The following SMOC2 variants were observed in gnomAD, a reference collection of about 807,000 sequenced individuals.
SMOC2 encodes the protein SPARC-related modular calcium-binding protein 2.
Under a neutral mutation model 61.4 loss-of-function variants are expected in SMOC2, and 39 were observed. The observed-to-expected ratio is 0.64, with a 90% CI of 0.49 to 0.83. The LOEUF (loss-of-function observed/expected upper bound fraction) is 0.83, where lower values mean the gene tolerates loss of function less well. Among genes scored for constraint, SMOC2 ranks in the 40% least tolerant of loss-of-function variants. SMOC2 has a pLI of 0.00. For synonymous variants in SMOC2, 247 were observed against 239.9 expected (o/e 1.03, Z -0.27); for missense variants, 556 against 592.9 (o/e 0.94, Z 0.65).
At chr6:168,522,290 TC>T (rs756133030) in intron 2 of SMOC2, among the ~76,000 whole-genome samples, 1 of 152,188 alleles carries the variant, frequency 6.6e-6, no homozygotes, top group Non-Finnish European at 1.5e-5. Context: ...AGGCACTCCC[TC>T]CGTAAGTTAC....
chr6:168,441,506 C>A (rs1202638877), intron 1 of SMOC2, 52 bp downstream of exon 1: 5 of 1,446,996 alleles, frequency 3.5e-6, no homozygotes, highest in Non-Finnish European at 4.5e-6. Flanking sequence ...CCTCTTGCAG[C>A]CGGCCGGGTT....
At chr6:168,660,702 G>A (rs1787486480) in intron 11 of SMOC2, among the ~76,000 whole-genome samples, 1 of 152,226 alleles carries the variant, frequency 6.6e-6, no homozygotes, top group Admixed American at 6.5e-5. Flanking sequence ...CACTCGCACA[G>A]CCACAAGGGA....
chr6:168,663,207 C>G (rs4708485), intron 11 of SMOC2, among the ~76,000 whole-genome samples: 23,475 of 152,118 alleles, frequency 0.15, 1,917 homozygotes, highest in Non-Finnish European at 0.17. Context: ...TCAGAGGTTT[C>G]CATGGAGATG....
chr6:168,480,265 C>G (rs2115022426), intron 1 of SMOC2, among the ~76,000 whole-genome samples: 2 of 152,152 alleles, frequency 1.3e-5, no homozygotes, highest in South Asian at 4.1e-4. Context: ...GAAAATGAAT[C>G]AACAGAAAAC....
intron 3 of SMOC2, among the ~76,000 whole-genome samples, chr6:168,527,016 A>C (rs1246125084): frequency 6.6e-6 from 1 of 152,234 alleles, no homozygotes; most frequent in Admixed American, 6.5e-5. Context: ...AAGTACTAAC[A>C]TACAATGCTA....
At chr6:168,547,731 G>T (rs913258054) in intron 6 of SMOC2, among the ~76,000 whole-genome samples, 1 of 151,882 alleles carries the variant, frequency 6.6e-6, no homozygotes, top group Admixed American at 6.6e-5. Context: ...GTTAGACAGG[G>T]ATAAAAGAGC....
At position 168,460,851 on chromosome 6, in the gene SMOC2, G is replaced by T. The variant is rs377662275; in HGVS notation, c.84+19397G>T. On this transcript the variant is annotated intron_variant, in intron 1 of 12. Transcript: ENST00000356284. ...AGATGCAAAATAATGTCAACATATTGTAGATATTCTTTGATTAAAATGCTT... is the reference window on the plus strand; with the variant it reads ...AGATGCAAAATAATGTCAACATATTTTAGATATTCTTTGATTAAAATGCTT... Among the ~76,000 whole-genome samples the T allele has an allele frequency of 5.3e-5, 8 of 152,312 alleles. No individual in the cohort carries two copies. The East Asian group carries it at 5.8e-4, about 11-fold the overall frequency.
At chr6:168,598,074 T>TGCTCA (rs1396029683) in intron 7 of SMOC2, among the ~76,000 whole-genome samples, 1 of 152,266 alleles carries the variant, frequency 6.6e-6, no homozygotes, top group Non-Finnish European at 1.5e-5. Flanking sequence ...CAATGCCTGG[T>TGCTCA]GCACAGGCTG....
At chr6:168,506,699 G>A (rs1408042535) in intron 1 of SMOC2, among the ~76,000 whole-genome samples, 1 of 152,120 alleles carries the variant, frequency 6.6e-6, no homozygotes, top group Non-Finnish European at 1.5e-5. Flanking sequence ...TGTGCAAATA[G>A]CACTGCTTCG....
chr6:168,518,078 A>G (rs555447458), intron 2 of SMOC2, among the ~76,000 whole-genome samples: 1 of 152,360 alleles, frequency 6.6e-6, no homozygotes, highest in African/African-American at 2.4e-5. Context: ...GAAACAGGCC[A>G]GAGAGCTCCA....
chr6:168,548,328 T>TA (rs1423953816), intron 6 of SMOC2, among the ~76,000 whole-genome samples: 11 of 150,124 alleles, frequency 7.3e-5, no homozygotes. Context: ...TCTCAAGCAC[T>TA]AACGGTGACC....
At chr6:168,622,426 G>C (rs1010137521) in intron 9 of SMOC2, among the ~76,000 whole-genome samples, 5 of 151,404 alleles carry the variant, frequency 3.3e-5, no homozygotes, top group Non-Finnish European at 5.9e-5. Context: ...AAAAAAAAAA[G>C]ACAAGGATAG....
intron 1 of SMOC2, among the ~76,000 whole-genome samples, chr6:168,501,830 G>C (rs866368218): frequency 2.6e-5 from 4 of 152,212 alleles, no homozygotes; most frequent in Middle Eastern, 3.2e-3. Context: ...CCCCACAGAA[G>C]GTGGGAGCGT....
chr6:168,445,023 C>T (rs563904273), intron 1 of SMOC2, among the ~76,000 whole-genome samples: 3 of 152,152 alleles, frequency 2.0e-5, no homozygotes, highest in South Asian at 2.1e-4. Flanking sequence ...ACTGCCAATA[C>T]CTAACGCTCC....
chr6:168,519,068 A>T (rs1172289893), intron 2 of SMOC2, among the ~76,000 whole-genome samples: 5 of 102,924 alleles, frequency 4.9e-5, no homozygotes, highest in South Asian at 3.2e-4. Context: ...TATGTGTGTG[A>T]GTGTATGTAT....
chr6:168,504,444 A>G (rs1179004471), intron 1 of SMOC2, among the ~76,000 whole-genome samples: 1 of 150,512 alleles, frequency 6.6e-6, no homozygotes, highest in Admixed American at 6.7e-5. Flanking sequence ...TTAGATTCTC[A>G]TAAGGAACCC....
intron 7 of SMOC2, among the ~76,000 whole-genome samples, chr6:168,558,054 A>C (rs1784288684): frequency 6.6e-6 from 1 of 152,140 alleles, no homozygotes; most frequent in African/African-American, 2.4e-5. Flanking sequence ...CACACCTGTG[A>C]ATGCTCCCTC....
At chr6:168,610,691 A>T (rs1785835786) in intron 9 of SMOC2, among the ~76,000 whole-genome samples, 1 of 152,214 alleles carries the variant, frequency 6.6e-6, no homozygotes, top group Non-Finnish European at 1.5e-5. Flanking sequence ...CCAAATACTT[A>T]TTCACATCTT....
At chr6:168,596,780 C>T (rs1377148134) in intron 7 of SMOC2, among the ~76,000 whole-genome samples, 1 of 152,268 alleles carries the variant, frequency 6.6e-6, no homozygotes, top group Non-Finnish European at 1.5e-5. Flanking sequence ...TCCTCGTTAT[C>T]GTTGAGGCAA....
Sources: allele counts gnomAD v4.1 joint callset (sites outside exome capture counted in the v4.1 genomes callset), GRCh38; gene constraint gnomAD v4.1.1; transcripts MANE v1.5; gene names NCBI Gene and HGNC (gene_info 2026-07-23, HGNC 2026-07-21).